The following FUT9 variants were observed in gnomAD, a reference collection of about 807,000 sequenced individuals.
The protein encoded by FUT9 is 4-galactosyl-N-acetylglucosaminide 3-alpha-L-fucosyltransferase 9.
A neutral mutation model predicts 29.7 loss-of-function variants in FUT9; 15 were observed. The observed-to-expected ratio is 0.51, with a 90% CI of 0.34 to 0.78. The LOEUF is 0.78. Ranked by LOEUF, FUT9 falls within the 30% of genes least tolerant of loss-of-function variation. The pLI, the probability that FUT9 is intolerant of heterozygous loss-of-function variation, is 0.01. For synonymous variants in FUT9, 169 were observed against 153.7 expected (o/e 1.10, Z -0.74); for missense variants, 319 against 425.4 (o/e 0.75, Z 2.20).
rs1239938250 is a variant in FUT9 at position 96,050,308 on chromosome 6, T to G, written c.-98+34096T>G. Among the ~76,000 whole-genome samples the G allele has an allele frequency of 3.3e-5, 5 of 152,200 alleles. No homozygotes were observed. The East Asian group carries it at 9.6e-4, about 29-fold the overall frequency. ...CAACCTAATTTGAGTTAAAATTCAA[T>G]AGTTTAAGATGTTAAAATCACCATT... On this transcript the variant is annotated intron_variant, in intron 1 of 2. Coordinates refer to ENST00000302103, the MANE Select transcript of FUT9 (RefSeq NM_006581.4).
chr6:96,145,576 A>G (rs185286891), intron 2 of FUT9, among the ~76,000 whole-genome samples: 16 of 152,304 alleles, frequency 1.1e-4, no homozygotes, highest in Non-Finnish European at 2.1e-4. Context: ...ATAAATATGA[A>G]GTGGAAGGGT....
At chr6:96,201,983 G>A (rs538350669) in intron 2 of FUT9, among the ~76,000 whole-genome samples, 66 of 151,344 alleles carry the variant, frequency 4.4e-4, no homozygotes, top group African/African-American at 1.5e-3. Flanking sequence ...AATTTCTCCC[G>A]TTTTTTGGAA....
At chr6:96,196,235 A>C (rs1326924170) in intron 2 of FUT9, among the ~76,000 whole-genome samples, 1 of 152,188 alleles carries the variant, frequency 6.6e-6, no homozygotes, top group Non-Finnish European at 1.5e-5. Flanking sequence ...TAATAGATGG[A>C]TTAATTTAAA....
intron 1 of FUT9, among the ~76,000 whole-genome samples, chr6:96,101,236 A>T (rs571934594): frequency 6.6e-6 from 1 of 152,294 alleles, no homozygotes; most frequent in East Asian, 1.9e-4. Flanking sequence ...GAGGGAAAAA[A>T]ATATTAAGAA....
rs531802909 is a variant in FUT9 at position 96,144,222 on chromosome 6, G to C, written c.-9+30095G>C. On this transcript the variant is annotated intron_variant, in intron 2 of 2. Coordinates refer to ENST00000302103, the MANE Select transcript of FUT9 (RefSeq NM_006581.4). ...GTTTCTAAATCCTTTTTCTTCCTTAGTGATTTTTTTTTCCAATTAGTTGAA... is the reference window on the plus strand; with the variant it reads ...GTTTCTAAATCCTTTTTCTTCCTTACTGATTTTTTTTTCCAATTAGTTGAA... Among the ~76,000 whole-genome samples the C allele has an allele frequency of 6.1e-3, 161 of 26,364 alleles. 5 individuals carry two copies. In the South Asian group the frequency reaches 0.32, roughly 53 times the overall value. The allele number at this position is 26,364 out of a possible 152,430, so 17.3% of individuals were successfully genotyped here. A position where few individuals can be genotyped will look rare whatever the true frequency, so the allele number is the denominator to read the frequency against.
chr6:96,079,232 A>G (rs897814818), intron 1 of FUT9, among the ~76,000 whole-genome samples: 18 of 152,174 alleles, frequency 1.2e-4, no homozygotes, highest in Admixed American at 3.3e-4. Context: ...CCAACCTTCC[A>G]TTTTCAACAA....
chr6:96,113,771 G>T (rs142496288), intron 1 of FUT9, among the ~76,000 whole-genome samples: 1 of 150,840 alleles, frequency 6.6e-6, no homozygotes, highest in African/African-American at 2.4e-5. Context: ...GGAGAATGTC[G>T]TGAACCAGGG....
chr6:96,030,275 T>C (rs1770239017), intron 1 of FUT9, among the ~76,000 whole-genome samples: 1 of 151,556 alleles, frequency 6.6e-6, no homozygotes, highest in South Asian at 2.1e-4. Flanking sequence ...CAAAACCATA[T>C]AACCCAATAA....
chr6:96,161,817 C>G (rs1339032582), intron 2 of FUT9, among the ~76,000 whole-genome samples: 2 of 152,190 alleles, frequency 1.3e-5, no homozygotes, highest in Non-Finnish European at 2.9e-5. Context: ...TTCACTTTGC[C>G]TTTTACCATG....
At chr6:96,154,251 A>G (rs1158149893) in intron 2 of FUT9, among the ~76,000 whole-genome samples, 1 of 152,228 alleles carries the variant, frequency 6.6e-6, no homozygotes, top group Non-Finnish European at 1.5e-5. Context: ...ACAGAGTAGC[A>G]AAATCATTTT....
At chr6:96,193,563 G>A (rs1411959260) in intron 2 of FUT9, among the ~76,000 whole-genome samples, 1 of 151,922 alleles carries the variant, frequency 6.6e-6, no homozygotes, top group African/African-American at 2.4e-5. Flanking sequence ...ACAAGTGCTG[G>A]CGAGGATGTG....
At chr6:96,082,242 C>T (rs570092640) in intron 1 of FUT9, among the ~76,000 whole-genome samples, 2 of 151,670 alleles carry the variant, frequency 1.3e-5, no homozygotes, top group South Asian at 2.1e-4. Flanking sequence ...CCTTGAAGTG[C>T]GGTGATATTT....
intron 2 of FUT9, among the ~76,000 whole-genome samples, chr6:96,144,202 T>C (rs923761349): frequency 3.8e-5 from 5 of 130,780 alleles, no homozygotes; most frequent in African/African-American, 1.3e-4. Context: ...AGTTAGTTTC[T>C]AAATCCTTTT....
intron 2 of FUT9, among the ~76,000 whole-genome samples, chr6:96,132,239 T>C (rs1772259649): frequency 6.6e-6 from 1 of 151,986 alleles, no homozygotes; most frequent in Non-Finnish European, 1.5e-5. Context: ...TTCCACTCCA[T>C]GAAACTTTTT....
Position 96,111,362 on chromosome 6 carries a change from T to C in FUT9, c.-97-2677T>C, listed in dbSNP as rs548374389. 2.6e-5 allele frequency among the ~76,000 whole-genome samples: 4 copies of C among 152,166 alleles called. No individual in the cohort carries two copies. The East Asian group carries it at 7.7e-4, about 29-fold the overall frequency. ...ATTATTTGACTGGCTTGGACACAAA[T>C]ATAGGGAATGGAGAAAATGATTTTC... On this transcript the variant is annotated intron_variant, in intron 1 of 2. Transcript: ENST00000302103.
intron 2 of FUT9, among the ~76,000 whole-genome samples, chr6:96,171,429 T>A (rs1773110716): frequency 6.6e-6 from 1 of 152,126 alleles, no homozygotes; most frequent in Non-Finnish European, 1.5e-5. Flanking sequence ...GAGGGCTGAA[T>A]GGAGGCCATC....
chr6:96,052,845 G>T (rs1562109080), intron 1 of FUT9, among the ~76,000 whole-genome samples: 1 of 152,026 alleles, frequency 6.6e-6, no homozygotes, highest in Non-Finnish European at 1.5e-5. Context: ...TCATGAAGGT[G>T]GTGTGGAGAG....
rs556782378 is a variant in FUT9, at chr6:96,084,304, A to G, written c.-97-29735A>G. Among the ~76,000 whole-genome samples the G allele has an allele frequency of 2.4e-3, 362 of 152,234 alleles. 1 individual carries two copies. Among genetic ancestry groups the G allele is most frequent in the African/African-American group, 8.5e-3 (354 of 41,568 alleles). On this transcript the variant is annotated intron_variant, in intron 1 of 2. Transcript: ENST00000302103. The stretch of plus-strand genomic sequence containing the variant: ...AGATCTTAAATTTCCTGGAAAGACC[A>G]TCTGGCACTTTTTATAAGTGTTATG...
At chr6:96,030,149 A>G (rs577365723) in intron 1 of FUT9, among the ~76,000 whole-genome samples, 2 of 151,776 alleles carry the variant, frequency 1.3e-5, no homozygotes, top group Non-Finnish European at 3.0e-5. Flanking sequence ...GACATAAATG[A>G]TAATTATAGA....
Sources: allele counts gnomAD v4.1 joint callset (sites outside exome capture counted in the v4.1 genomes callset), GRCh38; gene constraint gnomAD v4.1.1; transcripts MANE v1.5; gene names NCBI Gene and HGNC (gene_info 2026-07-23, HGNC 2026-07-21).